SULF2: variants seen among roughly 807,000 people sequenced by gnomAD.
SULF2 encodes extracellular sulfatase Sulf-2.
A neutral mutation model predicts 107.7 loss-of-function variants in SULF2; 52 were observed. The ratio of observed to expected loss-of-function variants is 0.48; its 90% CI spans 0.39 to 0.61. SULF2 has a LOEUF of 0.61. SULF2 is among the 20% of genes least tolerant of loss of function. The pLI is 0.00. For missense variants in SULF2, 993 were observed against 1,177.3 expected, an observed-to-expected ratio of 0.84 and a Z score of 2.29; for synonymous variants, 460 against 464.3, an observed-to-expected ratio of 0.99 and a Z score of 0.12.
chr20:47,679,838 GCCCCTCCTGAGGA>G (rs2087766101), intron 7 of SULF2, among the ~76,000 whole-genome samples: 2 of 152,216 alleles, frequency 1.3e-5, no homozygotes, highest in African/African-American at 4.8e-5. Context: ...CCAACACAAG[GCCCCTCCTGAGGA>G]CCCTATTCGG....
In SULF2 at chr20:47,683,103, C is replaced by T. The variant is rs1009178580; in HGVS notation, c.955G>A (p.Gly319Ser). 4 of 1,613,662 alleles carry T rather than the reference C, an allele frequency of 2.5e-6. No homozygotes were observed. The highest frequency in any genetic ancestry group is 2.2e-5 in the South Asian group (2 of 91,070). ...NTYIVYTADH[G>S]YHIGQFGLVK... Reference sequence around the variant, plus strand: ...AGGCCAAACTGGCCGATGTGGTAACCGTGGTCGGCGGTGTATACGATGTAC... The same window carrying T: ...AGGCCAAACTGGCCGATGTGGTAACTGTGGTCGGCGGTGTATACGATGTAC... Residue 319 changes from glycine to serine, a missense_variant, in exon 7 of 21, where the codon GGT (glycine) becomes AGT (serine). By Grantham distance (56) the Gly-to-Ser change is moderately conservative. Coordinates refer to ENST00000688720, the MANE Select transcript of SULF2 (RefSeq NM_001387048.1).
At chr20:47,686,448 G>A (rs551148784) in intron 5 of SULF2, among the ~76,000 whole-genome samples, 1 of 152,312 alleles carries the variant, frequency 6.6e-6, no homozygotes, top group Non-Finnish European at 1.5e-5. Context: ...CACAAAACGT[G>A]GGCTTCCTCG....
intron 8 of SULF2, among the ~76,000 whole-genome samples, chr20:47,677,565 T>C (rs1365253751): frequency 2.6e-5 from 4 of 152,232 alleles, no homozygotes; most frequent in East Asian, 1.9e-4. Context: ...GAGCTCTGTC[T>C]TGAGCTCAGT....
At chr20:47,696,370 T>C (rs999542019) in intron 4 of SULF2, among the ~76,000 whole-genome samples, 1 of 150,608 alleles carries the variant, frequency 6.6e-6, no homozygotes, top group Non-Finnish European at 1.5e-5. Context: ...CAAAGGACAG[T>C]GAAGTCTCAT....
chr20:47,692,272 A>G (rs539952837), intron 4 of SULF2, among the ~76,000 whole-genome samples: 2 of 152,348 alleles, frequency 1.3e-5, no homozygotes, highest in Admixed American at 1.3e-4. Context: ...GTATTCATAT[A>G]TCTACAGACA....
chr20:47,681,224 G>A (rs2087813842), intron 7 of SULF2, among the ~76,000 whole-genome samples: 1 of 152,210 alleles, frequency 6.6e-6, no homozygotes, highest in South Asian at 2.1e-4. Flanking sequence ...TGAGGCTGGA[G>A]CTGTGCATGG....
At chr20:47,698,539 A>C (rs1220357177) in intron 4 of SULF2, among the ~76,000 whole-genome samples, 1 of 152,180 alleles carries the variant, frequency 6.6e-6, no homozygotes, top group Non-Finnish European at 1.5e-5. Flanking sequence ...AATACAGTCG[A>C]GCAGACAAAA....
At chr20:47,705,748 T>G (rs1456445064) in intron 3 of SULF2, among the ~76,000 whole-genome samples, 1 of 151,912 alleles carries the variant, frequency 6.6e-6, no homozygotes, top group Non-Finnish European at 1.5e-5. Flanking sequence ...CTACAAAGAC[T>G]GAGCCAGGAC....
chr20:47,684,542 G>T lies in SULF2; in HGVS notation c.777C>A (p.His259Gln). ...SYNYAPNPDK[H>Q]WIMRYTGPMK... is the part of the protein sequence containing the mutation. ...TGGGCCCCGTGTAGCGCATGATCCA[G>T]TGTTTGTCCGGGTTGGGCGCGTAGT... Residue 259 changes from histidine to glutamine, a missense_variant, in exon 6 of 21, where the codon CAC (histidine) becomes CAA (glutamine). This residue lies in a region of SULF2 where 388 missense variants were observed against 449.2 expected (regional missense o/e 0.86). Coordinates refer to ENST00000688720, the MANE Select transcript of SULF2 (RefSeq NM_001387048.1). The T allele has an allele frequency of 1.9e-6, 3 of 1,614,156 alleles. No homozygotes were observed. The highest frequency in any genetic ancestry group is 2.5e-6 in the Non-Finnish European group (3 of 1,179,992).
At chr20:47,700,487 C>G (rs1426576762) in intron 4 of SULF2, among the ~76,000 whole-genome samples, 1 of 152,146 alleles carries the variant, frequency 6.6e-6, no homozygotes, top group East Asian at 1.9e-4. Context: ...TACTAACTCA[C>G]GTGATCCTCA....
intron 1 of SULF2, among the ~76,000 whole-genome samples, chr20:47,767,678 G>A (rs1322017764): frequency 3.3e-5 from 5 of 152,214 alleles, no homozygotes. Context: ...GGAAGGCTGA[G>A]GCAGGAGAAT....
chr20:47,783,846 G>A (rs2090874134), intron 1 of SULF2, among the ~76,000 whole-genome samples: 1 of 152,198 alleles, frequency 6.6e-6, no homozygotes, highest in South Asian at 2.1e-4. Flanking sequence ...TTACACATCC[G>A]ACAGGCTGTC....
chr20:47,732,542 T>C (rs960734917), intron 3 of SULF2, among the ~76,000 whole-genome samples: 1 of 152,198 alleles, frequency 6.6e-6, no homozygotes, highest in Non-Finnish European at 1.5e-5. Context: ...ATAAAACCTT[T>C]GTAAAAACTG....
intron 3 of SULF2, among the ~76,000 whole-genome samples, chr20:47,733,132 T>C (rs2089653116): frequency 6.6e-6 from 1 of 152,198 alleles, no homozygotes; most frequent in Admixed American, 6.5e-5. Context: ...CGCTGGAAGA[T>C]AGCTCAAAAA....
Position 47,663,596 on chromosome 20 carries a change from A to G in SULF2, c.2084T>C (p.Val695Ala). ...FRKGLQEKDKVWLLREQKRKK... is the reference protein window; with the variant it reads ...FRKGLQEKDKAWLLREQKRKK... ...GCGCTTCTGCTCCCGCAACAGCCAC[A>G]CCTTGTCCTTCTCTTGCAGGCCCTT... The change falls in exon 16 of 21, where the codon GTG becomes GCG. Residue 695 changes from valine (V) to alanine (A), a missense_variant. Around this residue, in one of 3 missense-constraint regions of SULF2, gnomAD observed 497 missense variants for 544.1 expected, o/e 0.91. Transcript: ENST00000688720. The G allele has an allele frequency of 1.2e-6, 2 of 1,601,866 alleles. No individual in the cohort carries two copies. The highest frequency in any genetic ancestry group is 1.7e-6 in the Non-Finnish European group (2 of 1,173,480).
In SULF2 at chr20:47,717,319, A is replaced by C. The variant is rs183970051; in HGVS notation, c.416-14649T>G. On this transcript the variant is annotated intron_variant, in intron 3 of 20. Coordinates refer to ENST00000688720, the MANE Select transcript of SULF2 (RefSeq NM_001387048.1). Reference sequence around the variant, plus strand: ...CACAGAGAGGCAAAGTCCCCTTTTCACCGAACATCCCACAACTGCCAAGTG... The same window carrying C: ...CACAGAGAGGCAAAGTCCCCTTTTCCCCGAACATCCCACAACTGCCAAGTG... 1.3e-3 allele frequency among the ~76,000 whole-genome samples: 193 copies of C among 152,256 alleles called. 2 individuals are homozygous for C. In the East Asian group the frequency reaches 0.022, roughly 18 times the overall value.
chr20:47,758,332 G>A (rs2090343724), intron 1 of SULF2, among the ~76,000 whole-genome samples: 1 of 151,916 alleles, frequency 6.6e-6, no homozygotes, highest in Non-Finnish European at 1.5e-5. Context: ...ACCACGCCCG[G>A]CTAATTTTTT....
intron 12 of SULF2, 21 bp from the exon 13 acceptor site, chr20:47,665,974 C>G (rs536265098): frequency 1.2e-6 from 2 of 1,611,878 alleles, no homozygotes; most frequent in African/African-American, 2.7e-5. Flanking sequence ...GAAGGGATCA[C>G]GTGTGGCTCG....
intron 7 of SULF2, 47 bp downstream of exon 7, chr20:47,682,947 G>T: frequency 6.5e-7 from 1 of 1,531,278 alleles, no homozygotes; most frequent in Non-Finnish European, 8.8e-7. Context: ...GAAGCCCTGA[G>T]CTGGGCCCAG....
Sources: gnomAD v4.1 joint callset for allele counts (sites outside exome capture counted in the v4.1 genomes callset) on GRCh38, gnomAD v4.1.1 for gene constraint, gnomAD v4.1.1 regional missense constraint, MANE v1.5 for transcripts, NCBI Gene and HGNC (gene_info 2026-07-23, HGNC 2026-07-21) for gene names.